BTRC: variants seen among roughly 807,000 people sequenced by gnomAD.
The protein encoded by BTRC is beta-transducin repeat containing E3 ubiquitin protein ligase.
A neutral mutation model predicts 85.5 loss-of-function variants in BTRC; 42 were observed. The observed-to-expected ratio is 0.49, with a 90% CI of 0.38 to 0.64. The LOEUF (loss-of-function observed/expected upper bound fraction) is 0.64. Among genes scored for constraint, BTRC ranks in the 30% least tolerant of loss-of-function variants. BTRC has a pLI of 0.00. For synonymous variants in BTRC, 255 were observed against 263.3 expected (o/e 0.97, Z 0.30); for missense variants, 594 against 743.5 (o/e 0.80, Z 2.34).
At position 101,550,721 on chromosome 10, in the gene BTRC, G is replaced by T; in HGVS notation, c.1679G>T (p.Arg560Leu). ...TAGGAGCATTCCGGAAGAGTTTTTC[G>T]ACTACAGTTTGATGAATTCCAGATT... is the stretch of plus-strand genomic sequence containing the variant. ...TLVEHSGRVF[R>L]LQFDEFQIVS... Residue 560 changes from arginine to leucine, a missense_variant, in exon 14 of 15, where the codon CGA (arginine) becomes CTA (leucine). Around this residue, in one of 4 missense-constraint regions of BTRC, gnomAD observed 373 missense variants for 503.6 expected, o/e 0.74. Transcript: ENST00000370187. 1 of 1,611,828 alleles carries T rather than the reference G, an allele frequency of 6.2e-7. No homozygotes were observed. The highest frequency in any genetic ancestry group is 1.1e-5 in the South Asian group (1 of 90,888).
chr10:101,462,136 A>C, intron 3 of BTRC, 78 bp downstream of exon 3: 1 of 1,222,606 alleles, frequency 8.2e-7, no homozygotes, highest in Non-Finnish European at 1.2e-6. Flanking sequence ...TTGATTTGCC[A>C]TTCTTTAAGC....
intron 4 of BTRC, among the ~76,000 whole-genome samples, chr10:101,483,406 A>G (rs967053906): frequency 3.3e-5 from 5 of 152,220 alleles, no homozygotes; most frequent in African/African-American, 1.2e-4. Context: ...CAGCCCAACC[A>G]ACATGGTGAA....
intron 6 of BTRC, among the ~76,000 whole-genome samples, chr10:101,530,764 C>G (rs1016408512): frequency 3.9e-5 from 6 of 152,234 alleles, no homozygotes; most frequent in African/African-American, 1.4e-4. Context: ...GAAGGTTACT[C>G]TTTGACATGG....
At chr10:101,385,685 G>T (rs1943059808) in intron 1 of BTRC, among the ~76,000 whole-genome samples, 1 of 59,378 alleles carries the variant, frequency 1.7e-5, no homozygotes, top group Non-Finnish European at 3.2e-5. Flanking sequence ...TTTTGGTTAT[G>T]GACTTCACTG....
At chr10:101,408,922 G>A (rs565966713) in intron 1 of BTRC, among the ~76,000 whole-genome samples, 11 of 152,028 alleles carry the variant, frequency 7.2e-5, no homozygotes, top group African/African-American at 1.9e-4. Context: ...GGTGGTGGGC[G>A]CATGAAAGCC....
At chr10:101,468,476 G>T (rs898764600) in intron 3 of BTRC, among the ~76,000 whole-genome samples, 4 of 152,088 alleles carry the variant, frequency 2.6e-5, no homozygotes, top group African/African-American at 7.2e-5. Context: ...AAACAACACG[G>T]AATGATAGCA....
chr10:101,406,533 T>C (rs1293586128), intron 1 of BTRC, among the ~76,000 whole-genome samples: 4 of 127,266 alleles, frequency 3.1e-5, no homozygotes, highest in African/African-American at 1.2e-4. Flanking sequence ...TCTTTTTTTT[T>C]TTTTTTTTTT....
intron 1 of BTRC, among the ~76,000 whole-genome samples, chr10:101,366,830 T>TTATA (rs369863334): frequency 4.2e-4 from 19 of 45,076 alleles, no homozygotes; most frequent in East Asian, 3.3e-3. Context: ...TAATATATAT[T>TTATA]TATATATATT....
intron 13 of BTRC, among the ~76,000 whole-genome samples, chr10:101,538,828 A>G (rs1002580293): frequency 2.0e-5 from 3 of 152,100 alleles, no homozygotes; most frequent in East Asian, 1.9e-4. Flanking sequence ...CAGATGGATC[A>G]CCTGAGATCA....
At chr10:101,437,313 A>G (rs1362948316) in intron 2 of BTRC, among the ~76,000 whole-genome samples, 1 of 152,222 alleles carries the variant, frequency 6.6e-6, no homozygotes, top group Non-Finnish European at 1.5e-5. Context: ...ATATATAAAC[A>G]AGAGTATCAC....
chr10:101,355,900 T>C (rs1407822141), intron 1 of BTRC, among the ~76,000 whole-genome samples: 1 of 152,236 alleles, frequency 6.6e-6, no homozygotes, highest in Admixed American at 6.5e-5. Context: ...ACATTAAAAT[T>C]CTAAATATGA....
chr10:101,386,617 T>C (rs1943085956), intron 1 of BTRC, among the ~76,000 whole-genome samples: 1 of 152,250 alleles, frequency 6.6e-6, no homozygotes. Flanking sequence ...TGTGGAATAC[T>C]TCTTCTTTTT....
intron 6 of BTRC, among the ~76,000 whole-genome samples, chr10:101,527,463 A>G (rs1322902261): frequency 6.6e-6 from 1 of 152,208 alleles, no homozygotes; most frequent in Non-Finnish European, 1.5e-5. Flanking sequence ...GTAACAAAGA[A>G]TATTGTTGGC....
intron 13 of BTRC, among the ~76,000 whole-genome samples, chr10:101,541,116 C>T (rs866076293): frequency 6.7e-6 from 1 of 148,456 alleles, no homozygotes; most frequent in South Asian, 2.1e-4. Flanking sequence ...TTCTTAATTG[C>T]ACTGGCTAAG....
chr10:101,524,437 A>G (rs944683482), intron 5 of BTRC, among the ~76,000 whole-genome samples: 1 of 152,072 alleles, frequency 6.6e-6, no homozygotes, highest in African/African-American at 2.4e-5. Flanking sequence ...TCCACTGACC[A>G]CTCTATGAGG....
intron 4 of BTRC, among the ~76,000 whole-genome samples, chr10:101,512,431 C>G (rs1456270267): frequency 6.6e-6 from 1 of 152,100 alleles, no homozygotes; most frequent in African/African-American, 2.4e-5. Flanking sequence ...AAAGAGTGTC[C>G]TATGTCTGGA....
At chr10:101,358,355 T>G (rs11190958) in intron 1 of BTRC, among the ~76,000 whole-genome samples, 54,999 of 152,128 alleles carry the variant, frequency 0.36, 11,049 homozygotes, top group Middle Eastern at 0.48. Flanking sequence ...TCCTCCTGCC[T>G]TGGCCTCCCA....
At chr10:101,509,614 A>G (rs1404387113) in intron 4 of BTRC, among the ~76,000 whole-genome samples, 1 of 144,464 alleles carries the variant, frequency 6.9e-6, no homozygotes, top group African/African-American at 2.6e-5. Flanking sequence ...GTGCAGTGGC[A>G]TGACCACGGC....
Position 101,532,335 on chromosome 10 carries a change from A to G in BTRC, c.881A>G (p.Gln294Arg), listed in dbSNP as rs767074169. Residue 294 changes from glutamine to arginine, a missense_variant, in exon 8 of 15, where the codon CAG becomes CGG. By Grantham distance (43) the Gln-to-Arg change is conservative. Around this residue, in one of 4 missense-constraint regions of BTRC, gnomAD observed 373 missense variants for 503.6 expected, o/e 0.74. Coordinates refer to ENST00000370187, the MANE Select transcript of BTRC (RefSeq NM_033637.4). ...TGGAGATGTGGAAGACATAGTTTACAGAGAATTCACTGCCGAAGTGAAACA... is the reference window on the plus strand; with the variant it reads ...TGGAGATGTGGAAGACATAGTTTACGGAGAATTCACTGCCGAAGTGAAACA... ...SNWRCGRHSL[Q>R]RIHCRSETSK... is the part of the protein sequence containing the mutation. The G allele has an allele frequency of 1.9e-6, 3 of 1,613,810 alleles. No homozygotes were observed. The Admixed American group carries it at 5.0e-5, about 27-fold the overall frequency.
Sources: gnomAD v4.1 joint callset for allele counts (sites outside exome capture counted in the v4.1 genomes callset) on GRCh38, gnomAD v4.1.1 for gene constraint, gnomAD v4.1.1 regional missense constraint, MANE v1.5 for transcripts, NCBI Gene and HGNC (gene_info 2026-07-23, HGNC 2026-07-21) for gene names.